Variants in KCNK10 observed in about 807,000 individuals in gnomAD.
KCNK10 encodes the protein potassium channel subfamily K member 10.
Under a neutral mutation model 47.7 loss-of-function variants are expected in KCNK10, and 25 were observed. That is an observed-to-expected ratio of 0.52 (90% CI 0.38 to 0.73). The LOEUF (loss-of-function observed/expected upper bound fraction) is 0.73. Among genes scored for constraint, KCNK10 ranks in the 30% least tolerant of loss-of-function variants. The pLI is 0.00. For synonymous variants in KCNK10, 303 were observed against 285.6 expected, an observed-to-expected ratio of 1.06 and a Z score of -0.61; for missense variants, 563 against 714.5, an observed-to-expected ratio of 0.79 and a Z score of 2.42.
intron 1 of KCNK10, among the ~76,000 whole-genome samples, chr14:88,272,679 G>C (rs1201067747): frequency 6.6e-6 from 1 of 152,148 alleles, no homozygotes; most frequent in East Asian, 1.9e-4. Flanking sequence ...GCTAACACAG[G>C]GAGAAGAGCC....
In KCNK10 at chr14:88,322,111, C is replaced by T. The variant is rs1411680764; in HGVS notation, c.52+636G>A. Among the ~76,000 whole-genome samples the T allele has an allele frequency of 6.6e-6, 1 of 152,140 alleles. No homozygotes were observed. The highest frequency in any genetic ancestry group is 1.5e-5 in the Non-Finnish European group (1 of 68,042). ...CTTCGTGCCCCTCCCCTATGCCTTG[C>T]CAGCCCCACCCTTCTCACAAACCAC... is the stretch of plus-strand genomic sequence containing the variant. On this transcript the variant is annotated intron_variant, in intron 1 of 6. Transcript: ENST00000319231. This position sits in a 1 kb window ranked among gnomAD's most constrained non-coding sequence, Gnocchi z 4.8.
At position 88,257,896 on chromosome 14, in the gene KCNK10, C is replaced by T. The variant is rs188776148; in HGVS notation, c.402+5306G>A. ...TATGAGCATGTTGAACTGGATAATT[C>T]TTTGTGGGAGGGGGGGTCTATGCTG... On this transcript the variant is annotated intron_variant, in intron 2 of 6. Coordinates refer to ENST00000319231, the MANE Select transcript of KCNK10 (RefSeq NM_138317.3). Among the ~76,000 whole-genome samples the T allele has an allele frequency of 5.7e-3, 862 of 152,184 alleles. 35 individuals carry two copies. Among genetic ancestry groups the T allele is most frequent in the Admixed American group, 0.045 (694 of 15,286 alleles).
In KCNK10 at chr14:88,220,411, C is replaced by T. The variant is rs1462036675; in HGVS notation, c.681+6964G>A. On this transcript the variant is annotated intron_variant, in intron 4 of 6. Coordinates refer to ENST00000319231, the MANE Select transcript of KCNK10 (RefSeq NM_138317.3). ...CAGCCTGGGCGACAGAGCGAGACTC[C>T]GTCTCAAAAAAAAAAAAAAAAAAAA... 3.7e-3 allele frequency among the ~76,000 whole-genome samples: 232 copies of T among 63,458 alleles called. 4 individuals are homozygous for T. The Admixed American group carries it at 0.047, about 13-fold the overall frequency. 41.6% of individuals were successfully genotyped at this position (63,458 alleles called of 152,430 possible).
At chr14:88,189,262 A>G (rs1021016044) in intron 5 of KCNK10, among the ~76,000 whole-genome samples, 2 of 152,148 alleles carry the variant, frequency 1.3e-5, no homozygotes, top group Admixed American at 6.5e-5. Context: ...AGCTGCTGCC[A>G]CTTCTTAACG....
At chr14:88,297,538 G>C (rs1310538244) in intron 1 of KCNK10, among the ~76,000 whole-genome samples, 1 of 152,190 alleles carries the variant, frequency 6.6e-6, no homozygotes, top group Non-Finnish European at 1.5e-5. Context: ...TTTGATAACA[G>C]AGAATACAGA....
rs1487665430 is a variant in KCNK10, at chr14:88,280,325, T to A, written c.53-16774A>T. Among the ~76,000 whole-genome samples the A allele has an allele frequency of 2.0e-5, 3 of 152,116 alleles. No homozygotes were observed. The South Asian group carries it at 6.3e-4, about 32-fold the overall frequency. ...CAAGGCTTTCCTCCACCCTCTCTCG[T>A]TGGGTCTTTTTAAATCCACTCTGCA... On this transcript the variant is annotated intron_variant, in intron 1 of 6. Transcript: ENST00000319231.
At chr14:88,318,549 G>A (rs1888475338) in intron 1 of KCNK10, among the ~76,000 whole-genome samples, 1 of 152,206 alleles carries the variant, frequency 6.6e-6, no homozygotes, top group Admixed American at 6.5e-5. Context: ...GCTAACAAGA[G>A]GACATCTGAG....
intron 4 of KCNK10, among the ~76,000 whole-genome samples, chr14:88,201,275 T>C (rs1371348755): frequency 6.6e-6 from 1 of 152,228 alleles, no homozygotes; most frequent in Non-Finnish European, 1.5e-5. Context: ...AATGCATACA[T>C]GATTCATTTC....
chr14:88,198,747 C>T (rs569571297), intron 4 of KCNK10, among the ~76,000 whole-genome samples: 3 of 152,250 alleles, frequency 2.0e-5, no homozygotes, highest in African/African-American at 7.2e-5. Context: ...CTTCCTCTCC[C>T]CTTCCTTTTG....
upstream of KCNK10, chr14:88,326,758 A>C (rs577647418): frequency 3.9e-4 from 144 of 368,092 alleles, no homozygotes; most frequent in South Asian, 4.8e-3. Context: ...ACTTTAATGA[A>C]TGCCGTGTGG....
chr14:88,236,489 G>A (rs1404352599), intron 3 of KCNK10, among the ~76,000 whole-genome samples: 2 of 152,180 alleles, frequency 1.3e-5, no homozygotes, highest in Non-Finnish European at 2.9e-5. Context: ...CCAAGTAAGT[G>A]ATCATGAGAT....
At chr14:88,230,039 T>G (rs1886112363) in intron 3 of KCNK10, among the ~76,000 whole-genome samples, 1 of 152,190 alleles carries the variant, frequency 6.6e-6, no homozygotes, top group Non-Finnish European at 1.5e-5. Flanking sequence ...TCCCTCACTT[T>G]CTTCATCAAA....
At chr14:88,291,922 A>G (rs1431253471) in intron 1 of KCNK10, among the ~76,000 whole-genome samples, 1 of 152,156 alleles carries the variant, frequency 6.6e-6, no homozygotes, top group Non-Finnish European at 1.5e-5. Flanking sequence ...GCCTTCCCCA[A>G]GAAGTCCATC....
chr14:88,320,245 T>G (rs1888518254), intron 1 of KCNK10, among the ~76,000 whole-genome samples: 1 of 152,238 alleles, frequency 6.6e-6, no homozygotes, highest in Non-Finnish European at 1.5e-5. Flanking sequence ...GGTTGCTCAT[T>G]AAATGTTGTT....
chr14:88,220,752 A>C (rs1885782593), intron 4 of KCNK10, among the ~76,000 whole-genome samples: 1 of 152,128 alleles, frequency 6.6e-6, no homozygotes, highest in Admixed American at 6.5e-5. Context: ...CAAAAGTATA[A>C]AACTCCTAGA....
chr14:88,251,309 T>C (rs148721222), intron 2 of KCNK10, among the ~76,000 whole-genome samples: 1,524 of 151,754 alleles, frequency 0.01, 30 homozygotes, highest in African/African-American at 0.035. Context: ...CATTTTCTAT[T>C]GGCCAGCCAC....
upstream of KCNK10, among the ~76,000 whole-genome samples, chr14:88,323,924 C>G (rs1442993796): frequency 1.3e-5 from 2 of 152,312 alleles, no homozygotes; most frequent in East Asian, 1.9e-4. Context: ...CAAGGAGGCC[C>G]GTGCCAGCCA....
At chr14:88,204,153 A>G (rs1306229973) in intron 4 of KCNK10, among the ~76,000 whole-genome samples, 1 of 152,082 alleles carries the variant, frequency 6.6e-6, no homozygotes, top group East Asian at 1.9e-4. Flanking sequence ...AAAGGGGGAG[A>G]GGTAGGAGAG....
chr14:88,279,696 C>A (rs1887605070), intron 1 of KCNK10, among the ~76,000 whole-genome samples: 1 of 152,046 alleles, frequency 6.6e-6, no homozygotes, highest in East Asian at 1.9e-4. Flanking sequence ...CATCCCCTAC[C>A]CAACATAATT....
Sources: gnomAD v4.1 joint callset for allele counts (sites outside exome capture counted in the v4.1 genomes callset) on GRCh38, gnomAD v4.1.1 for gene constraint, Gnocchi (gnomAD v3.1) non-coding constraint, MANE v1.5 for transcripts, NCBI Gene and HGNC (gene_info 2026-07-23, HGNC 2026-07-21) for gene names.